ASB5: variants seen among roughly 807,000 people sequenced by gnomAD.
ASB5 encodes ankyrin repeat and SOCS box containing 5.
ASB5 carries 45 observed loss-of-function variants against 42.1 expected under a neutral mutation model. The ratio of observed to expected loss-of-function variants is 1.07; its 90% CI spans 0.84 to 1.37. ASB5 has a LOEUF of 1.37. Ranked by LOEUF, ASB5 falls within the 40% of genes most tolerant of loss-of-function variation. The probability of loss-of-function intolerance (pLI) is 0.00; values close to 1 mark genes in which losing one functional copy is unlikely to be tolerated. For synonymous variants in ASB5, 147 were observed against 150.6 expected, an observed-to-expected ratio of 0.98 and a Z score of 0.18; for missense variants, 402 against 399.8, an observed-to-expected ratio of 1.01 and a Z score of -0.05.
At chr4:176,276,035 T>C (rs930464998) in intron 1 of ASB5, 11 of 152,188 alleles carry the variant, frequency 7.2e-5, no homozygotes, top group African/African-American at 2.4e-4. Context: ...TTACCCAGTG[T>C]AGTAAAACAT....
At chr4:176,261,330 G>A (rs1163049930) in intron 1 of ASB5, among the ~76,000 whole-genome samples, 4 of 152,070 alleles carry the variant, frequency 2.6e-5, no homozygotes, top group Admixed American at 6.6e-5. Flanking sequence ...AAATATTTAT[G>A]GTGGTAATTA....
chr4:176,244,226 C>G (rs1461037912), intron 1 of ASB5, among the ~76,000 whole-genome samples: 1 of 152,124 alleles, frequency 6.6e-6, no homozygotes, highest in African/African-American at 2.4e-5. Context: ...TATTCAGACT[C>G]AAGCATTAAG....
chr4:176,269,241 A>G (rs895383395), upstream of ASB5: 8 of 668,864 alleles, frequency 1.2e-5, no homozygotes, highest in Admixed American at 2.4e-4. Flanking sequence ...CTACAGCTCA[A>G]AATATTTATA....
At chr4:176,267,418 A>G (rs1424612778) in intron 1 of ASB5, among the ~76,000 whole-genome samples, 2 of 152,132 alleles carry the variant, frequency 1.3e-5, no homozygotes, top group African/African-American at 4.8e-5. Context: ...TGAGCCCAGG[A>G]GTTTGAGACC....
chr4:176,221,275 G>C lies in ASB5; in HGVS notation c.550C>G (p.Leu184Val), dbSNP rs1579310985. Residue 184 changes from leucine to valine, a missense_variant, in exon 5 of 7, where the codon CTT becomes GTT. By Grantham distance (32) the Leu-to-Val change is conservative. Coordinates refer to ENST00000296525, the MANE Select transcript of ASB5 (RefSeq NM_080874.4). The part of the protein sequence containing the change: ...EAASKGHHEC[L>V]DILISWGIDV... ...ATGCCCCAGGATATCAGGATGTCAAGACATTCATGGTGACCTGCCAACACA... is the reference window on the plus strand; with the variant it reads ...ATGCCCCAGGATATCAGGATGTCAACACATTCATGGTGACCTGCCAACACA... 6.2e-7 allele frequency: 1 copy of C among 1,614,024 alleles called. No homozygotes were observed. Among genetic ancestry groups the C allele is most frequent in the East Asian group, 2.2e-5 (1 of 44,890 alleles).
At chr4:176,218,090 T>C (rs1285840753) in intron 5 of ASB5, among the ~76,000 whole-genome samples, 1 of 148,104 alleles carries the variant, frequency 6.8e-6, no homozygotes, top group Non-Finnish European at 1.5e-5. Flanking sequence ...GGTCTGAAAA[T>C]AACAATCAAT....
chr4:176,265,493 A>T (rs148839302), intron 1 of ASB5, among the ~76,000 whole-genome samples: 3 of 152,306 alleles, frequency 2.0e-5, no homozygotes, highest in Non-Finnish European at 4.4e-5. Flanking sequence ...CCGTATCCTC[A>T]GTGTCTTGAT....
chr4:176,228,657 T>C (rs560367733), intron 1 of ASB5, among the ~76,000 whole-genome samples: 3 of 152,330 alleles, frequency 2.0e-5, no homozygotes, highest in East Asian at 3.9e-4. Flanking sequence ...AGTTCTATTA[T>C]ATATTCAAGG....
intron 5 of ASB5, 142 bp from the exon 6 acceptor site, chr4:176,217,151 A>C (rs1198451069): frequency 1.4e-5 from 9 of 635,036 alleles, no homozygotes; most frequent in Non-Finnish European, 2.4e-5. Context: ...TTATTTCTTT[A>C]TATACATATA....
chr4:176,215,411 C>T lies in ASB5; in HGVS notation c.*189G>A. ...ATAGATATTATAAATATGCTATAAT[C>T]CAAAGACAGCATAAATGATAAAACA... On this transcript the variant is annotated 3_prime_UTR_variant, in exon 7 of 7. Coordinates refer to ENST00000296525, the MANE Select transcript of ASB5 (RefSeq NM_080874.4). The T allele has an allele frequency of 2.2e-6, 1 of 450,560 alleles. No homozygotes were observed. The highest frequency in any genetic ancestry group is 3.7e-6 in the Non-Finnish European group (1 of 266,978). The allele number at this position is 450,560 out of a possible 1,614,324, so 27.9% of individuals were successfully genotyped here. A position where few individuals can be genotyped will look rare whatever the true frequency, so the allele number is the denominator to read the frequency against.
intron 6 of ASB5, 65 bp downstream of exon 6, chr4:176,216,753 T>C (rs1213442909): frequency 2.2e-6 from 3 of 1,355,692 alleles, no homozygotes; most frequent in Non-Finnish European, 3.0e-6. Context: ...AAAAACTCTC[T>C]CACTTTCATC....
intron 1 of ASB5, among the ~76,000 whole-genome samples, chr4:176,237,955 C>T (rs1753726018): frequency 1.3e-5 from 2 of 152,182 alleles, no homozygotes; most frequent in South Asian, 2.1e-4. Context: ...GGCGTGGTGG[C>T]TCACGCCTGT....
chr4:176,240,176 A>G (rs1753781681), intron 1 of ASB5, among the ~76,000 whole-genome samples: 2 of 152,244 alleles, frequency 1.3e-5, no homozygotes, highest in South Asian at 4.1e-4. Context: ...CCAGTATCAG[A>G]TAAAACACTA....
chr4:176,253,336 A>C (rs551142625), intron 1 of ASB5, among the ~76,000 whole-genome samples: 1 of 152,376 alleles, frequency 6.6e-6, no homozygotes. Flanking sequence ...TATAAAGCAC[A>C]ACAGTGCACA....
Position 176,228,571 on chromosome 4 carries a change from A to G in ASB5, c.197-3230T>C, listed in dbSNP as rs1436488430. On this transcript the variant is annotated intron_variant, in intron 1 of 6. Coordinates refer to ENST00000296525, the MANE Select transcript of ASB5 (RefSeq NM_080874.4). ...CTAGAAAAATTAGTAAGCCAGACAC[A>G]TAATTCTTTTGAGTTTTCATTTGCA... Among the ~76,000 whole-genome samples, 4 of 152,224 alleles carry G rather than the reference A, an allele frequency of 2.6e-5. No homozygotes were observed. In the East Asian group the frequency reaches 7.7e-4, roughly 29 times the overall value.
At chr4:176,272,908 A>C (rs1560824595), upstream of ASB5, among the ~76,000 whole-genome samples, 1 of 150,926 alleles carries the variant, frequency 6.6e-6, no homozygotes, top group Non-Finnish European at 1.5e-5. Context: ...AAATCTTAAC[A>C]GGAGGGAAAT....
Position 176,275,368 on chromosome 4 carries a change from T to A in ASB5, c.-90+428A>T, listed in dbSNP as rs139988524. 5.9e-5 allele frequency among the ~76,000 whole-genome samples: 9 copies of A among 152,304 alleles called. No homozygotes were observed. In the East Asian group the frequency reaches 1.7e-3, roughly 29 times the overall value. ...CCTGTTTAGGATTCTAAGATTATAG[T>A]TTCTTTAACAACATAAGTACTGCCT... is the stretch of plus-strand genomic sequence containing the variant. On this transcript the variant is annotated intron_variant, in intron 2 of 2. Transcript: ENST00000505299.
intron 1 of ASB5, among the ~76,000 whole-genome samples, chr4:176,228,830 C>T (rs953832016): frequency 1.1e-4 from 17 of 152,076 alleles, no homozygotes; most frequent in Admixed American, 4.6e-4. Flanking sequence ...TTGCCAGTTC[C>T]GGCTTCTAAG....
intron 1 of ASB5, among the ~76,000 whole-genome samples, chr4:176,231,335 CAAAAAGAAAAACAGCTTTTGAA>C (rs1753537915): frequency 6.6e-6 from 1 of 151,796 alleles, no homozygotes; most frequent in Non-Finnish European, 1.5e-5. Context: ...CGTCGGCCTC[CAAAAAGAAAAACAGCTTTTGAA>C]AAGGTGATTT....
Sources: allele counts gnomAD v4.1 joint callset (sites outside exome capture counted in the v4.1 genomes callset), GRCh38; gene constraint gnomAD v4.1.1; transcripts MANE v1.5; gene names NCBI Gene and HGNC (gene_info 2026-07-23, HGNC 2026-07-21).